Variants in RIMS1 observed in about 807,000 individuals in gnomAD.
RIMS1 encodes the protein regulating synaptic membrane exocytosis 1.
A neutral mutation model predicts 214.1 loss-of-function variants in RIMS1; 83 were observed. The ratio of observed to expected loss-of-function variants is 0.39; its 90% CI spans 0.32 to 0.47. The LOEUF is 0.47. RIMS1 is among the 20% of genes least tolerant of loss of function. The pLI, the probability that RIMS1 is intolerant of heterozygous loss-of-function variation, is 0.99. For missense variants in RIMS1, 2,050 were observed against 2,161.8 expected (o/e 0.95, Z 1.03); for synonymous variants, 793 against 786.8 (o/e 1.01, Z -0.13).
At chr6:71,992,273 C>T (rs1035427430) in intron 2 of RIMS1, among the ~76,000 whole-genome samples, 18 of 152,074 alleles carry the variant, frequency 1.2e-4, no homozygotes, top group Admixed American at 9.8e-4. Flanking sequence ...GTACTTGCCT[C>T]CACTGCAGTG....
In RIMS1 at chr6:72,260,785, G is replaced by C. The variant is rs750098918; in HGVS notation, c.3116+18G>C. ...ACTACCAGGTAAATACAGGGATTTGGTAATGGTGACTGTGTGTGATGACTC... is the reference window on the plus strand; with the variant it reads ...ACTACCAGGTAAATACAGGGATTTGCTAATGGTGACTGTGTGTGATGACTC... On this transcript the variant is annotated intron_variant, in intron 19 of 33. Coordinates refer to ENST00000521978, the MANE Select transcript of RIMS1 (RefSeq NM_014989.7). The C allele has an allele frequency of 6.2e-7, 1 of 1,610,998 alleles. No homozygotes were observed. Among genetic ancestry groups the C allele is most frequent in the Non-Finnish European group, 8.5e-7 (1 of 1,178,250 alleles).
intron 29 of RIMS1, among the ~76,000 whole-genome samples, chr6:72,351,563 T>C (rs2097447939): frequency 6.6e-6 from 1 of 152,158 alleles, no homozygotes; most frequent in Admixed American, 6.6e-5. Context: ...GCTGGATTCT[T>C]CAAGGAAAAC....
At chr6:72,200,187 C>T (rs960799013) in intron 6 of RIMS1, among the ~76,000 whole-genome samples, 1 of 152,150 alleles carries the variant, frequency 6.6e-6, no homozygotes, top group Non-Finnish European at 1.5e-5. Flanking sequence ...TCACATGGAA[C>T]TGTAAAAGCC....
chr6:72,033,338 C>T (rs67115866), intron 2 of RIMS1, among the ~76,000 whole-genome samples: 11,995 of 152,252 alleles, frequency 0.079, 528 homozygotes, highest in Non-Finnish European at 0.1. Context: ...ACCAAATAAG[C>T]TCCTGCCTAT....
intron 6 of RIMS1, among the ~76,000 whole-genome samples, chr6:72,232,597 T>G (rs1298165495): frequency 6.6e-6 from 1 of 151,656 alleles, no homozygotes; most frequent in Non-Finnish European, 1.5e-5. Flanking sequence ...TCTAATGAAA[T>G]TTCTAATATT....
intron 26 of RIMS1, among the ~76,000 whole-genome samples, chr6:72,295,735 G>T (rs1317762378): frequency 6.6e-6 from 1 of 151,500 alleles, no homozygotes; most frequent in African/African-American, 2.4e-5. Flanking sequence ...TCTTTAAATT[G>T]CTGTATTCAT....
At chr6:72,068,388 C>G (rs1157179893) in intron 2 of RIMS1, among the ~76,000 whole-genome samples, 1 of 152,042 alleles carries the variant, frequency 6.6e-6, no homozygotes, top group Non-Finnish European at 1.5e-5. Flanking sequence ...TGCTTAAGCA[C>G]TGATAGATAA....
chr6:72,240,702 C>G (rs181203816), intron 9 of RIMS1, among the ~76,000 whole-genome samples: 1 of 130,066 alleles, frequency 7.7e-6, no homozygotes. Flanking sequence ...TAGGTAACAG[C>G]TTAGGGCAGT....
intron 23 of RIMS1, among the ~76,000 whole-genome samples, chr6:72,283,700 T>C: frequency 6.6e-6 from 1 of 152,134 alleles, no homozygotes; most frequent in East Asian, 1.9e-4. Context: ...CATTTATCAT[T>C]ATTACACTTC....
chr6:72,329,814 T>C (rs2096598192), intron 28 of RIMS1, among the ~76,000 whole-genome samples: 1 of 151,728 alleles, frequency 6.6e-6, no homozygotes, highest in Admixed American at 6.6e-5. Flanking sequence ...TAATGTGATA[T>C]GGAAGATTGG....
chr6:72,208,817 A>G (rs1482239927), intron 6 of RIMS1, among the ~76,000 whole-genome samples: 3 of 152,134 alleles, frequency 2.0e-5, no homozygotes, highest in Admixed American at 2.0e-4. Flanking sequence ...TAAAAATATT[A>G]TCTCTGAAAA....
At chr6:72,222,448 A>C (rs1386784553) in intron 6 of RIMS1, among the ~76,000 whole-genome samples, 3 of 152,122 alleles carry the variant, frequency 2.0e-5, no homozygotes, top group African/African-American at 7.2e-5. Flanking sequence ...CAAAGGGATA[A>C]GAGTTATTAT....
chr6:72,371,720 C>A (rs888291501), intron 29 of RIMS1, among the ~76,000 whole-genome samples: 2 of 152,066 alleles, frequency 1.3e-5, no homozygotes, highest in Non-Finnish European at 2.9e-5. Flanking sequence ...TGGGCAGGAC[C>A]CAACCAGTCC....
intron 1 of RIMS1, among the ~76,000 whole-genome samples, chr6:71,949,212 C>A (rs1247827981): frequency 6.6e-6 from 1 of 152,192 alleles, no homozygotes; most frequent in Non-Finnish European, 1.5e-5. Context: ...TAACTTGCAA[C>A]TCTGATCTCA....
intron 2 of RIMS1, among the ~76,000 whole-genome samples, chr6:72,090,132 G>A (rs1253270788): frequency 1.3e-5 from 2 of 152,052 alleles, no homozygotes; most frequent in African/African-American, 4.8e-5. Context: ...TAACTAACCT[G>A]CACATTGTGC....
chr6:72,306,369 T>C (rs2095166159), intron 26 of RIMS1, among the ~76,000 whole-genome samples: 1 of 152,086 alleles, frequency 6.6e-6, no homozygotes, highest in African/African-American at 2.4e-5. Context: ...TCATACAACA[T>C]AGGTATAAGC....
intron 2 of RIMS1, among the ~76,000 whole-genome samples, chr6:71,982,882 C>G (rs1167310251): frequency 2.6e-5 from 4 of 152,110 alleles, no homozygotes; most frequent in Non-Finnish European, 5.9e-5. Context: ...TAAATTAAGT[C>G]CTGCCTGCAC....
At chr6:72,118,709 A>G (rs76668986) in intron 4 of RIMS1, among the ~76,000 whole-genome samples, 2,940 of 151,906 alleles carry the variant, frequency 0.019, 181 homozygotes, top group East Asian at 0.17. Flanking sequence ...CATATACAGA[A>G]GTAAAACAAA....
rs79637302 is a variant in RIMS1 at position 72,152,252 on chromosome 6, G to C, written c.472-27323G>C. ...TTTTTATAGCACTTACTATGTGCTA[G>C]GCATTATTCCAAGCACTTTGCAAAT... On this transcript the variant is annotated intron_variant, in intron 4 of 33. Transcript: ENST00000521978. 2.0e-3 allele frequency among the ~76,000 whole-genome samples: 309 copies of C among 152,242 alleles called. 1 individual carries two copies. The highest frequency in any genetic ancestry group is 3.1e-3 in the Non-Finnish European group (212 of 68,020).
Sources: gnomAD v4.1 joint callset for allele counts (sites outside exome capture counted in the v4.1 genomes callset) on GRCh38, gnomAD v4.1.1 for gene constraint, MANE v1.5 for transcripts, NCBI Gene and HGNC (gene_info 2026-07-23, HGNC 2026-07-21) for gene names.